Variants in PLCH2 observed in about 807,000 individuals in gnomAD.
The protein encoded by PLCH2 is phospholipase C eta 2.
A neutral mutation model predicts 134.7 loss-of-function variants in PLCH2; 98 were observed. The ratio of observed to expected loss-of-function variants is 0.73; its 90% CI spans 0.62 to 0.86. The LOEUF (loss-of-function observed/expected upper bound fraction) is 0.86, where lower values mean the gene tolerates loss of function less well. PLCH2 is among the 40% of genes least tolerant of loss of function. The pLI is 0.00. For missense variants in PLCH2, 1,994 were observed against 1,986.6 expected, an observed-to-expected ratio of 1.00 and a Z score of -0.07; for synonymous variants, 974 against 827.5, an observed-to-expected ratio of 1.18 and a Z score of -3.04.
chr1:2,489,089 C>A (rs1642425582), intron 8 of PLCH2, 118 bp from the exon 9 acceptor site: 1 of 904,628 alleles, frequency 1.1e-6, no homozygotes, highest in Non-Finnish European at 1.7e-6. Context: ...ATCCTGGGTT[C>A]CTGGTGAAGA....
At chr1:2,424,524 C>T (rs1638674888), upstream of PLCH2, among the ~76,000 whole-genome samples, 1 of 152,170 alleles carries the variant, frequency 6.6e-6, no homozygotes, top group South Asian at 2.1e-4. Context: ...CCAGTTCCAT[C>T]CATGTTGTTG....
chr1:2,481,956 G>A (rs1367701764), intron 4 of PLCH2, among the ~76,000 whole-genome samples: 2 of 152,272 alleles, frequency 1.3e-5, no homozygotes, highest in African/African-American at 4.8e-5. Context: ...CCTAATCAGA[G>A]AGAACTGCAT....
chr1:2,497,288 G>A (rs1642947629), intron 15 of PLCH2, among the ~76,000 whole-genome samples: 1 of 152,274 alleles, frequency 6.6e-6, no homozygotes, highest in African/African-American at 2.4e-5. Context: ...TGCGAGGCTG[G>A]CTGCGCCAGC....
In PLCH2 at chr1:2,502,558, G is replaced by A. The variant is rs781008158; in HGVS notation, c.2959+149G>A. The A allele has an allele frequency of 2.7e-5, 24 of 885,202 alleles. No homozygotes were observed. The East Asian group carries it at 6.3e-4, about 23-fold the overall frequency. 54.8% of individuals were successfully genotyped at this position (885,202 alleles called of 1,614,324 possible). ...CCGGCGTGAACACCGGGGGCCTGCA[G>A]AGGGAGCGGCCACCCAGCCCGGGGC... On this transcript the variant is annotated intron_variant, in intron 21 of 21. Transcript: ENST00000378486.
chr1:2,416,662 C>T, the PLCH2 span, among the ~76,000 whole-genome samples: 1 of 152,198 alleles, frequency 6.6e-6, no homozygotes, highest in Non-Finnish European at 1.5e-5. Flanking sequence ...GCCCGGCAGC[C>T]AGAGGCAGGA....
intron 2 of PLCH2, among the ~76,000 whole-genome samples, chr1:2,453,865 A>G (rs556171138): frequency 6.6e-6 from 1 of 152,182 alleles, no homozygotes; most frequent in South Asian, 2.1e-4. Context: ...ACTTTGGGCA[A>G]CGGTGGCGGG....
intron 19 of PLCH2, 102 bp downstream of exon 19, chr1:2,499,332 C>A: frequency 1.5e-6 from 2 of 1,340,112 alleles, no homozygotes; most frequent in Non-Finnish European, 2.1e-6. Flanking sequence ...GGTGGGCCTG[C>A]ACCTGGCACC....
chr1:2,484,803 C>T (rs1236717285), intron 5 of PLCH2, among the ~76,000 whole-genome samples, 185 bp downstream of exon 5: 1 of 152,196 alleles, frequency 6.6e-6, no homozygotes, highest in Non-Finnish European at 1.5e-5. Flanking sequence ...GGGCAGGTCA[C>T]AGCCTGGCAT....
intron 2 of PLCH2, among the ~76,000 whole-genome samples, chr1:2,459,408 C>T (rs112641414): frequency 1.1e-5 from 1 of 93,152 alleles, no homozygotes; most frequent in Non-Finnish European, 2.1e-5. Flanking sequence ...GGTTCTCCTT[C>T]CTGGTGGTCC....
chr1:2,419,862 C>G, the PLCH2 span, among the ~76,000 whole-genome samples: 4 of 152,108 alleles, frequency 2.6e-5, no homozygotes, highest in South Asian at 2.1e-4. Context: ...CAAGCCAGCC[C>G]TGGGCTGGGG....
At chr1:2,449,976 C>T (rs912288134) in intron 2 of PLCH2, among the ~76,000 whole-genome samples, 42 of 152,208 alleles carry the variant, frequency 2.8e-4, no homozygotes, top group African/African-American at 8.7e-4. Flanking sequence ...ACTGGGCTGC[C>T]GCCGCCAAGC....
upstream of PLCH2, among the ~76,000 whole-genome samples, chr1:2,424,922 G>T (rs901971132): frequency 3.3e-5 from 5 of 152,282 alleles, no homozygotes; most frequent in East Asian, 7.7e-4. Flanking sequence ...GGAGGCGAAG[G>T]TTGCAGTGAG....
At chr1:2,490,090 T>C (rs1370848055) in intron 10 of PLCH2, among the ~76,000 whole-genome samples, 1 of 142,318 alleles carries the variant, frequency 7.0e-6, no homozygotes, top group Non-Finnish European at 1.5e-5. Flanking sequence ...GCTCCCACAT[T>C]TGAGCTGACT....
chr1:2,446,115 T>TC (rs1639932465), intron 2 of PLCH2, among the ~76,000 whole-genome samples: 1 of 152,324 alleles, frequency 6.6e-6, no homozygotes, highest in East Asian at 1.9e-4. Flanking sequence ...TGCTTCCCTG[T>TC]CCACTGCAGT....
chr1:2,478,984 G>T (rs1374372023), intron 2 of PLCH2: 2 of 266,010 alleles, frequency 7.5e-6, no homozygotes, highest in Non-Finnish European at 1.4e-5. Context: ...GATGGGTATG[G>T]GTGCAAACAG....
chr1:2,436,598 C>T (rs1639436296), intron 2 of PLCH2, among the ~76,000 whole-genome samples: 1 of 151,612 alleles, frequency 6.6e-6, no homozygotes, highest in Non-Finnish European at 1.5e-5. Context: ...CTCCCTTCCT[C>T]CCTCCAAGGT....
At chr1:2,501,972 C>T in intron 20 of PLCH2, 140 bp from the exon 21 acceptor site, 1 of 736,064 alleles carries the variant, frequency 1.4e-6, no homozygotes, top group Non-Finnish European at 2.1e-6. Context: ...CCACACACCC[C>T]CAGCCTGAGG....
upstream of PLCH2, among the ~76,000 whole-genome samples, chr1:2,421,318 G>A (rs1638506147): frequency 6.6e-6 from 1 of 152,182 alleles, no homozygotes; most frequent in African/African-American, 2.4e-5. Flanking sequence ...GTGTGCTGGA[G>A]CAGGCTTGCA....
chr1:2,499,780 C>T, intron 20 of PLCH2, 60 bp downstream of exon 20: 1 of 1,277,948 alleles, frequency 7.8e-7, no homozygotes, highest in Non-Finnish European at 1.1e-6. Context: ...CCCCTTGTCC[C>T]ATGCCCCCCC....
Sources: gnomAD v4.1 joint callset for allele counts (sites outside exome capture counted in the v4.1 genomes callset) on GRCh38, gnomAD v4.1.1 for gene constraint, MANE v1.5 for transcripts, NCBI Gene and HGNC (gene_info 2026-07-23, HGNC 2026-07-21) for gene names.